Variants in ATP8B2 observed in about 807,000 individuals in gnomAD.
ATP8B2 encodes ATPase phospholipid transporting 8B2.
Under a neutral mutation model 133.4 loss-of-function variants are expected in ATP8B2, and 70 were observed. The observed-to-expected ratio is 0.52, with a 90% confidence interval of 0.43 to 0.64. The LOEUF (loss-of-function observed/expected upper bound fraction) is 0.64, where lower values mean the gene tolerates loss of function less well. Ranked by LOEUF, ATP8B2 falls within the 30% of genes least tolerant of loss-of-function variation. ATP8B2 has a pLI of 0.00. For missense variants in ATP8B2, 1,101 were observed against 1,535.7 expected, an observed-to-expected ratio of 0.72 and a Z score of 4.73; for synonymous variants, 517 against 589.5, an observed-to-expected ratio of 0.88 and a Z score of 1.78.
intron 12 of ATP8B2, among the ~76,000 whole-genome samples, chr1:154,339,094 T>C (rs1352775252): frequency 6.6e-6 from 1 of 152,246 alleles, no homozygotes; most frequent in Non-Finnish European, 1.5e-5. Context: ...TGAAAACTTG[T>C]CCTGTCTCCC....
At chr1:154,326,864 G>A (rs1339675931) in intron 1 of ATP8B2, among the ~76,000 whole-genome samples, 1 of 152,142 alleles carries the variant, frequency 6.6e-6, no homozygotes, top group African/African-American at 2.4e-5. Flanking sequence ...CCACCCTCCC[G>A]TGACTCATAC....
intron 12 of ATP8B2, 149 bp downstream of exon 12, chr1:154,337,693 G>A (rs1436582721): frequency 6.4e-7 from 1 of 1,571,522 alleles, no homozygotes; most frequent in Non-Finnish European, 8.6e-7. Flanking sequence ...GTTTATCTTT[G>A]TGGGCAGAGC....
In ATP8B2 at chr1:154,345,110, C is replaced by T. The variant is rs780747735; in HGVS notation, c.2426C>T (p.Thr809Met). The change falls in exon 22 of 28, where the codon ACG becomes ATG. Residue 809 changes from threonine to methionine, a missense_variant. Thr to Met is a moderately conservative substitution (Grantham distance 81). Transcript: ENST00000368489. This position sits in a 1 kb window ranked among gnomAD's most constrained non-coding sequence, Gnocchi z 5.6. ...GTCAAGAAGTACAAGAAGGCTGTGA[C>T]GCTTGCCATTGGAGACGGAGCCAAT... is the stretch of plus-strand genomic sequence containing the variant. ...ELVKKYKKAV[T>M]LAIGDGANDV... 8 of 1,614,036 alleles carry T rather than the reference C, an allele frequency of 5.0e-6. No individual in the cohort carries two copies. Among genetic ancestry groups the T allele is most frequent in the Non-Finnish European group, 5.1e-6 (6 of 1,180,028 alleles).
chr1:154,342,673 T>A (rs1022640569), intron 14 of ATP8B2, 123 bp from the exon 15 acceptor site: 9 of 1,451,890 alleles, frequency 6.2e-6, no homozygotes, highest in Non-Finnish European at 8.6e-6. Context: ...ATGACGGAAG[T>A]GGAAATTTTG....
At position 154,351,263 on chromosome 1, in the gene ATP8B2, A is replaced by G. The variant is rs936635403; in HGVS notation, c.*2145A>G. ...TTGCAAAAATTATATCATTTTATGGATATAAGAGAAAAATGCCTTTTTATA... is the reference window on the plus strand; with the variant it reads ...TTGCAAAAATTATATCATTTTATGGGTATAAGAGAAAAATGCCTTTTTATA... On this transcript the variant is annotated 3_prime_UTR_variant, in exon 28 of 28. Transcript: ENST00000368489. 6.6e-6 allele frequency: 1 copy of G among 152,518 alleles called. No individual in the cohort carries two copies. The highest frequency in any genetic ancestry group is 6.6e-5 in the Admixed American group (1 of 15,262). The allele number at this position is 152,518 out of a possible 1,614,324, so 9.4% of individuals were successfully genotyped here.
At position 154,346,217 on chromosome 1, in the gene ATP8B2, G is replaced by C; in HGVS notation, c.2779-14G>C. On this transcript the variant is annotated splice_polypyrimidine_tract_variant and intron_variant, in intron 24 of 27. Coordinates refer to ENST00000368489, the MANE Select transcript of ATP8B2 (RefSeq NM_001370597.1). This position sits in a 1 kb window ranked among gnomAD's most constrained non-coding sequence, Gnocchi z 4.5. ...CCTCTGAGGCCCCCTATGCTACATG[G>C]TCCTCCCACACAGGATGTCCCCGAG... 1.2e-6 allele frequency: 2 copies of C among 1,612,030 alleles called. No homozygotes were observed. Among genetic ancestry groups the C allele is most frequent in the Non-Finnish European group, 1.7e-6 (2 of 1,179,216 alleles).
At chr1:154,342,742 C>G in intron 14 of ATP8B2, 54 bp from the exon 15 acceptor site, 10 of 1,584,756 alleles carry the variant, frequency 6.3e-6, no homozygotes, top group Non-Finnish European at 7.8e-6. Flanking sequence ...AACCCTTCCC[C>G]GGGATGCAGC....
At position 154,334,599 on chromosome 1, in the gene ATP8B2, G is replaced by T; in HGVS notation, c.837+8G>T. ...AATACCCTGGTGCTCTGGGTGAGGC[G>T]CCCCACATCTGGCTCCCTGCCCCTG... On this transcript the variant is annotated splice_region_variant and intron_variant, in intron 11 of 27. Coordinates refer to ENST00000368489, the MANE Select transcript of ATP8B2 (RefSeq NM_001370597.1). The surrounding 1 kb of genome is among the most constrained non-coding windows in gnomAD (Gnocchi z 4.6). The T allele has an allele frequency of 6.2e-7, 1 of 1,612,184 alleles. No homozygotes were observed. The highest frequency in any genetic ancestry group is 8.5e-7 in the Non-Finnish European group (1 of 1,178,602).
rs887742495 is a variant in ATP8B2, at chr1:154,328,972, C to T, written c.31+800C>T. 7.7e-7 allele frequency: 1 copy of T among 1,304,092 alleles called. No individual in the cohort carries two copies. The highest frequency in any genetic ancestry group is 1.0e-6 in the Non-Finnish European group (1 of 988,880). 80.8% of individuals were successfully genotyped at this position (1,304,092 alleles called of 1,614,324 possible). On this transcript the variant is annotated intron_variant, in intron 2 of 27. Coordinates refer to ENST00000368489, the MANE Select transcript of ATP8B2 (RefSeq NM_001370597.1). The surrounding 1 kb of genome is among the most constrained non-coding windows in gnomAD (Gnocchi z 4.6). Reference sequence around the variant, plus strand: ...GACATATAGACGGTCTGCCCTCCCCCACTCAAACCGGGATCATGACGGTCC... The same window carrying T: ...GACATATAGACGGTCTGCCCTCCCCTACTCAAACCGGGATCATGACGGTCC...
In ATP8B2 at chr1:154,343,201, C is replaced by T. The variant is rs755153388; in HGVS notation, c.1542C>T (p.Thr514=). ...TTGGTTTTGTTTTCCGCTCTCGCAC[C>T]CCCAAAACAATCACCGTCCATGAGA... ...RNFGFVFRSR[T]PKTITVHEMG... The change falls in exon 16 of 28, where the codon ACC becomes ACT. Residue 514 remains threonine, a synonymous_variant. Coordinates refer to ENST00000368489, the MANE Select transcript of ATP8B2 (RefSeq NM_001370597.1). This position sits in a 1 kb window ranked among gnomAD's most constrained non-coding sequence, Gnocchi z 5.8. The T allele has an allele frequency of 2.2e-5, 35 of 1,613,966 alleles. No individual in the cohort carries two copies. Among genetic ancestry groups the T allele is most frequent in the East Asian group, 1.3e-4 (6 of 44,878 alleles).
rs1396979781 is a variant in ATP8B2, at chr1:154,345,384, T to C, written c.2533T>C (p.Tyr845His). The change falls in exon 23 of 28, where the codon TAC becomes CAC. Residue 845 changes from tyrosine (Y) to histidine (H), a missense_variant. Physicochemically the swap from Tyr to His is moderately conservative, Grantham distance 83. Transcript: ENST00000368489. The surrounding 1 kb of genome is among the most constrained non-coding windows in gnomAD (Gnocchi z 5.6). ...GATCCAGGCTGTCTTGGCCTCCGATTACTCCTTCTCCCAGTTCAAGTTCCT... is the reference window on the plus strand; with the variant it reads ...GATCCAGGCTGTCTTGGCCTCCGATCACTCCTTCTCCCAGTTCAAGTTCCT... The part of the protein sequence containing the change: ...EGIQAVLASD[Y>H]SFSQFKFLQR... The C allele has an allele frequency of 6.2e-7, 1 of 1,614,104 alleles. No homozygotes were observed. Among genetic ancestry groups the C allele is most frequent in the Non-Finnish European group, 8.5e-7 (1 of 1,180,050 alleles).
chr1:154,337,800 C>A, intron 12 of ATP8B2: 1 of 1,368,258 alleles, frequency 7.3e-7, no homozygotes. Context: ...CTACTGTGTA[C>A]AAAGAAGTGT....
At position 154,340,111 on chromosome 1, in the gene ATP8B2, T is replaced by C. The variant is rs907347896; in HGVS notation, c.1035-743T>C. Among the ~76,000 whole-genome samples the C allele has an allele frequency of 6.6e-6, 1 of 151,972 alleles. No individual in the cohort carries two copies. The highest frequency in any genetic ancestry group is 1.5e-5 in the Non-Finnish European group (1 of 67,966). Reference sequence around the variant, plus strand: ...GGGAGGATTGCTTGAGCCCAGGAGTTTGAGGCTACAGTGAGCTATGATTAC... The same window carrying C: ...GGGAGGATTGCTTGAGCCCAGGAGTCTGAGGCTACAGTGAGCTATGATTAC... On this transcript the variant is annotated intron_variant, in intron 12 of 27. Transcript: ENST00000368489. The surrounding 1 kb of genome is among the most constrained non-coding windows in gnomAD (Gnocchi z 4.0).
rs1686355906 is a variant in ATP8B2 at position 154,340,844 on chromosome 1, C to G, written c.1035-10C>G. 1 of 1,613,816 alleles carries G rather than the reference C, an allele frequency of 6.2e-7. No individual in the cohort carries two copies. Among genetic ancestry groups the G allele is most frequent in the Non-Finnish European group, 8.5e-7 (1 of 1,179,866 alleles). ...CCCGACCCAAGCCTCACCTCTTGTC[C>G]CCTGTGCAGTGTGGAGGTCATCCGT... is the stretch of plus-strand genomic sequence containing the variant. On this transcript the variant is annotated splice_polypyrimidine_tract_variant and intron_variant, in intron 12 of 27. Coordinates refer to ENST00000368489, the MANE Select transcript of ATP8B2 (RefSeq NM_001370597.1). This position sits in a 1 kb window ranked among gnomAD's most constrained non-coding sequence, Gnocchi z 4.0.
Position 154,337,488 on chromosome 1 carries a change from C to T in ATP8B2, c.978C>T (p.Ser326=), listed in dbSNP as rs1179749070. The T allele has an allele frequency of 5.0e-6, 8 of 1,614,080 alleles. No homozygotes were observed. Among genetic ancestry groups the T allele is most frequent in the Non-Finnish European group, 5.9e-6 (7 of 1,180,044 alleles). The change falls in exon 12 of 28, where the codon TCC becomes TCT. Residue 326 remains serine (S), a synonymous_variant. Coordinates refer to ENST00000368489, the MANE Select transcript of ATP8B2 (RefSeq NM_001370597.1). ...GTGCCTTCTTCTCTGGCTTCCTCTC[C>T]TTCTGGTCCTACATCATCATCCTCA... The part of the protein sequence containing the change: ...VDSAFFSGFL[S]FWSYIIILNT...
intron 9 of ATP8B2, 111 bp from the exon 10 acceptor site, chr1:154,333,996 G>GGCCCTT (rs1007125951): frequency 7.6e-6 from 10 of 1,308,494 alleles, no homozygotes; most frequent in Admixed American, 4.0e-5. Flanking sequence ...CATATGGATG[G>GGCCCTT]GCCCTTGCCC....
At position 154,330,868 on chromosome 1, in the gene ATP8B2, C is replaced by T. The variant is rs148490903; in HGVS notation, c.144C>T (p.Asn48=). Residue 48 remains asparagine, a synonymous_variant, in exon 4 of 28, where the codon AAC becomes AAT. Transcript: ENST00000368489. ...KYNILTFLPV[N]LFEQFQEVAN... ...ATATTCTCACCTTCCTGCCTGTCAA[C>T]CTCTTTGAGCAGTTCCAGGAAGTTG... 205 of 1,614,194 alleles carry T rather than the reference C, an allele frequency of 1.3e-4. 1 individual carries two copies. The East Asian group carries it at 4.5e-3, about 35-fold the overall frequency.
rs530861850 is a variant in ATP8B2, at chr1:154,328,526, G to T, written c.31+354G>T. 6.6e-6 allele frequency among the ~76,000 whole-genome samples: 1 copy of T among 152,216 alleles called. No homozygotes were observed. The highest frequency in any genetic ancestry group is 1.9e-4 in the East Asian group (1 of 5,174). ...GTTTTTCCATCTACCGGTTCTCCTGGTTTTTCCGCGGGCGGGGGTGTGTGT... is the reference window on the plus strand; with the variant it reads ...GTTTTTCCATCTACCGGTTCTCCTGTTTTTTCCGCGGGCGGGGGTGTGTGT... On this transcript the variant is annotated intron_variant, in intron 2 of 27. Transcript: ENST00000368489. This position sits in a 1 kb window ranked among gnomAD's most constrained non-coding sequence, Gnocchi z 4.6.
chr1:154,345,341 G>T lies in ATP8B2; in HGVS notation c.2490G>T (p.Gly830=). 6.2e-7 allele frequency: 1 copy of T among 1,614,110 alleles called. No individual in the cohort carries two copies. Among genetic ancestry groups the T allele is most frequent in the Non-Finnish European group, 8.5e-7 (1 of 1,180,032 alleles). Residue 830 remains glycine, a synonymous_variant, in exon 23 of 28, where the codon GGG becomes GGT. Coordinates refer to ENST00000368489, the MANE Select transcript of ATP8B2 (RefSeq NM_001370597.1). The surrounding 1 kb of genome is among the most constrained non-coding windows in gnomAD (Gnocchi z 5.6). ...CTGCAGCGGCTCACATTGGTGTGGG[G>T]ATCAGTGGGCAGGAAGGGATCCAGG... The part of the protein sequence containing the change: ...SMIKTAHIGV[G]ISGQEGIQAV...
Sources: allele counts gnomAD v4.1 joint callset (sites outside exome capture counted in the v4.1 genomes callset), GRCh38; gene constraint gnomAD v4.1.1; non-coding constraint Gnocchi (gnomAD v3.1); transcripts MANE v1.5; gene names NCBI Gene and HGNC (gene_info 2026-07-23, HGNC 2026-07-21).